Variants in NEGR1 observed in about 807,000 individuals in gnomAD.
The protein encoded by NEGR1 is neuronal growth regulator 1, also known as IgLON family member 4.
In NEGR1, 10 loss-of-function variants were observed where a neutral mutation model predicts 40.9. That is an observed-to-expected ratio of 0.24 (90% CI 0.15 to 0.42). The LOEUF (loss-of-function observed/expected upper bound fraction) is 0.42. Among genes scored for constraint, NEGR1 ranks in the 10% least tolerant of loss-of-function variants. The pLI is 1.00. For missense variants in NEGR1, 352 were observed against 438.9 expected (o/e 0.80, Z 1.77); for synonymous variants, 185 against 166.8 (o/e 1.11, Z -0.84).
chr1:71,704,508 A>C (rs1653819355), intron 3 of NEGR1, among the ~76,000 whole-genome samples: 1 of 151,980 alleles, frequency 6.6e-6, no homozygotes, highest in Admixed American at 6.5e-5. Flanking sequence ...GCTAATATTA[A>C]GACAAACTAC....
intron 1 of NEGR1, among the ~76,000 whole-genome samples, chr1:72,136,420 A>G (rs1407251086): frequency 1.3e-5 from 2 of 151,978 alleles, no homozygotes; most frequent in African/African-American, 4.8e-5. Flanking sequence ...CAGAGAAGAA[A>G]TAATTTAAAA....
intron 6 of NEGR1, among the ~76,000 whole-genome samples, chr1:71,522,808 G>C (rs1205436939): frequency 6.7e-6 from 1 of 149,786 alleles, no homozygotes; most frequent in Non-Finnish European, 1.5e-5. Flanking sequence ...AGACTCACAC[G>C]CTCCTATGTG....
rs139013361 is a variant in NEGR1 at position 72,211,873 on chromosome 1, G to C, written c.176+70446C>G. On this transcript the variant is annotated intron_variant, in intron 1 of 6. Coordinates refer to ENST00000357731, the MANE Select transcript of NEGR1 (RefSeq NM_173808.3). ...TAGGAAGAGATAAACCATAGACTCT[G>C]CCTTATAAAAATATCTCTTAGTTCC... is the stretch of plus-strand genomic sequence containing the variant. 3.8e-3 allele frequency among the ~76,000 whole-genome samples: 576 copies of C among 151,808 alleles called. 6 individuals are homozygous for C. Among genetic ancestry groups the C allele is most frequent in the African/African-American group, 0.014 (560 of 41,452 alleles).
In NEGR1 at chr1:71,964,970, C is replaced by T. The variant is rs376756485; in HGVS notation, c.177-29659G>A. Among the ~76,000 whole-genome samples the T allele has an allele frequency of 7.2e-5, 11 of 152,104 alleles. No individual in the cohort carries two copies. The South Asian group carries it at 1.2e-3, about 17-fold the overall frequency. On this transcript the variant is annotated intron_variant, in intron 1 of 6. Coordinates refer to ENST00000357731, the MANE Select transcript of NEGR1 (RefSeq NM_173808.3). Reference sequence around the variant, plus strand: ...TTCCAGATGATAATCAATAATTGTTCGAGTTTAGCATGGTAATACTATTCC... The same window carrying T: ...TTCCAGATGATAATCAATAATTGTTTGAGTTTAGCATGGTAATACTATTCC...
At chr1:72,201,637 G>A (rs1231583444) in intron 1 of NEGR1, among the ~76,000 whole-genome samples, 1 of 151,724 alleles carries the variant, frequency 6.6e-6, no homozygotes, top group East Asian at 1.9e-4. Context: ...ACGAATTTTA[G>A]GATGTATTAT....
At chr1:72,086,200 T>A (rs907239708) in intron 1 of NEGR1, among the ~76,000 whole-genome samples, 12 of 152,178 alleles carry the variant, frequency 7.9e-5, no homozygotes, top group Non-Finnish European at 4.4e-5. Flanking sequence ...TACACGTTAG[T>A]GACACTAATC....
At chr1:71,870,909 A>C (rs1660260779) in intron 2 of NEGR1, among the ~76,000 whole-genome samples, 2 of 152,216 alleles carry the variant, frequency 1.3e-5, no homozygotes, top group South Asian at 4.1e-4. Flanking sequence ...AAGATTTTGT[A>C]TGTGCCTTGC....
intron 2 of NEGR1, among the ~76,000 whole-genome samples, chr1:71,883,926 T>C (rs1050930797): frequency 1.3e-5 from 2 of 152,040 alleles, no homozygotes; most frequent in African/African-American, 4.8e-5. Context: ...GAAACGAAAA[T>C]ATTTAAACAA....
At chr1:71,421,670 CA>C (rs528876352) in intron 6 of NEGR1, among the ~76,000 whole-genome samples, 23 of 150,118 alleles carry the variant, frequency 1.5e-4, no homozygotes, top group East Asian at 9.8e-4. Context: ...TTCTAATTGC[CA>C]AAAAAAAATT....
intron 1 of NEGR1, among the ~76,000 whole-genome samples, chr1:72,132,169 G>A (rs1650280553): frequency 6.6e-6 from 1 of 152,120 alleles, no homozygotes; most frequent in Non-Finnish European, 1.5e-5. Context: ...ACATAAATAG[G>A]ACACAACTGG....
intron 6 of NEGR1, 61 bp downstream of exon 6, chr1:71,592,756 C>T: frequency 7.2e-7 from 1 of 1,381,476 alleles, no homozygotes; most frequent in South Asian, 1.3e-5. Context: ...GGTTTTATCT[C>T]TACAGATGGA....
chr1:71,927,848 A>AAAAAAAAAAC (rs1645790468), intron 2 of NEGR1, among the ~76,000 whole-genome samples: 1 of 127,030 alleles, frequency 7.9e-6, no homozygotes, highest in Non-Finnish European at 1.6e-5. Flanking sequence ...AAAAAAAAAA[A>AAAAAAAAAAC]AAAGCCAGGC....
rs116556117 is a variant in NEGR1, at chr1:71,582,425, T to A, written c.940+10392A>T. On this transcript the variant is annotated intron_variant, in intron 6 of 6. Coordinates refer to ENST00000357731, the MANE Select transcript of NEGR1 (RefSeq NM_173808.3). ...ATTTTGCTTCATAACCATATATATA[T>A]TTTTTTAACTTTTGCCTCTAGAACT... Among the ~76,000 whole-genome samples the A allele has an allele frequency of 5.8e-3, 880 of 152,238 alleles. 3 individuals are homozygous for A. The highest frequency in any genetic ancestry group is 9.5e-3 in the Non-Finnish European group (648 of 68,012).
intron 3 of NEGR1, among the ~76,000 whole-genome samples, chr1:71,730,569 T>TTATTTATA (rs1553161611): frequency 7.4e-6 from 1 of 134,726 alleles, no homozygotes; most frequent in Non-Finnish European, 1.6e-5. Context: ...TAGTATAAAT[T>TTATTTATA]TATATATATA....
At chr1:71,884,263 C>T (rs1445878148) in intron 2 of NEGR1, among the ~76,000 whole-genome samples, 1 of 152,010 alleles carries the variant, frequency 6.6e-6, no homozygotes, top group Non-Finnish European at 1.5e-5. Context: ...TATTTTGCCT[C>T]ACTTCTTGGG....
chr1:72,232,569 T>TA lies in NEGR1; in HGVS notation c.176+49749dup, dbSNP rs1376579623. 5.9e-5 allele frequency among the ~76,000 whole-genome samples: 9 copies of TA among 152,242 alleles called. No individual in the cohort carries two copies. The South Asian group carries it at 1.0e-3, about 18-fold the overall frequency. The stretch of plus-strand genomic sequence containing the variant: ...ATAGTCTGGCCTTGATAAACAATGC[T>TA]AAAAAAACTATGTTGTGACAGGTTA... On this transcript the variant is annotated intron_variant, in intron 1 of 6. Transcript: ENST00000357731.
chr1:71,919,508 TTTTTAGCATC>T (rs1645680185), intron 2 of NEGR1, among the ~76,000 whole-genome samples: 1 of 152,042 alleles, frequency 6.6e-6, no homozygotes, highest in South Asian at 2.1e-4. Context: ...TTTTTTTTTT[TTTTTAGCATC>T]AGGAACTTTG....
intron 1 of NEGR1, among the ~76,000 whole-genome samples, chr1:72,202,969 G>GA (rs151244027): frequency 0.017 from 2,602 of 151,028 alleles, 85 homozygotes; most frequent in African/African-American, 0.06. Context: ...CTACTTCTCA[G>GA]AAAAAAAAAT....
At chr1:71,991,248 A>C (rs573472736) in intron 1 of NEGR1, among the ~76,000 whole-genome samples, 1 of 152,194 alleles carries the variant, frequency 6.6e-6, no homozygotes, top group Non-Finnish European at 1.5e-5. Flanking sequence ...GTTAGCTCTC[A>C]AGTTGCATAT....
Sources: allele counts gnomAD v4.1 joint callset (sites outside exome capture counted in the v4.1 genomes callset), GRCh38; gene constraint gnomAD v4.1.1; transcripts MANE v1.5; gene names NCBI Gene and HGNC (gene_info 2026-07-23, HGNC 2026-07-21).